The following SEMA6D variants were observed in gnomAD, a reference collection of about 807,000 sequenced individuals.
SEMA6D encodes semaphorin 6D, also known as semaphorin-6D.
A neutral mutation model predicts 106.6 loss-of-function variants in SEMA6D; 35 were observed. The ratio of observed to expected loss-of-function variants is 0.33; its 90% CI spans 0.25 to 0.44. The LOEUF is 0.44. SEMA6D is among the 20% of genes least tolerant of loss of function. SEMA6D has a pLI of 1.00. For synonymous variants in SEMA6D, 499 were observed against 487.7 expected (o/e 1.02, Z -0.31); for missense variants, 1,185 against 1,345.9 (o/e 0.88, Z 1.87).
intron 1 of SEMA6D, among the ~76,000 whole-genome samples, chr15:47,741,610 AG>A (rs1273460707): frequency 6.6e-6 from 1 of 152,160 alleles, no homozygotes; most frequent in South Asian, 2.1e-4. Context: ...CAGCTACTCA[AG>A]GCTGAGGCAG....
At chr15:47,665,614 A>G (rs2078010447) in intron 4 of SEMA6D, among the ~76,000 whole-genome samples, 1 of 152,306 alleles carries the variant, frequency 6.6e-6, no homozygotes, top group African/African-American at 2.4e-5. Context: ...GTGTGAGACC[A>G]TCCTGGCCAA....
chr15:47,616,580 G>GA (rs55761524), intron 4 of SEMA6D, among the ~76,000 whole-genome samples: 133,682 of 142,580 alleles, frequency 0.94, 62,848 homozygotes, highest in Non-Finnish European at 0.98. Context: ...CTCCAAAGAG[G>GA]AAAAAAAAAA....
intron 1 of SEMA6D, among the ~76,000 whole-genome samples, chr15:47,342,759 G>A (rs1409270415): frequency 1.3e-5 from 2 of 152,182 alleles, no homozygotes; most frequent in Admixed American, 6.5e-5. Context: ...CACCCAGGCT[G>A]GAGTGCAGTG....
intron 2 of SEMA6D, among the ~76,000 whole-genome samples, chr15:47,419,571 A>G (rs2041086918): frequency 6.6e-6 from 1 of 152,112 alleles, no homozygotes; most frequent in Admixed American, 6.6e-5. Flanking sequence ...GCCTGGACAC[A>G]GTAATGAAGA....
chr15:47,592,654 C>G (rs2076460905), intron 3 of SEMA6D, among the ~76,000 whole-genome samples: 1 of 152,126 alleles, frequency 6.6e-6, no homozygotes, highest in Non-Finnish European at 1.5e-5. Flanking sequence ...CAAATTGCAT[C>G]CTATGAAAAT....
intron 1 of SEMA6D, among the ~76,000 whole-genome samples, chr15:47,286,299 C>G (rs1244518680): frequency 6.6e-6 from 1 of 152,052 alleles, no homozygotes; most frequent in African/African-American, 2.4e-5. Context: ...TTGAACTGGT[C>G]TGGAAAGTTC....
intron 1 of SEMA6D, among the ~76,000 whole-genome samples, chr15:47,250,429 T>C (rs1344913986): frequency 6.6e-6 from 1 of 151,460 alleles, no homozygotes; most frequent in African/African-American, 2.4e-5. Context: ...AAAGAACCTT[T>C]AGCAAATCCT....
chr15:47,697,936 T>C (rs1327110705), intron 4 of SEMA6D, among the ~76,000 whole-genome samples: 1 of 152,224 alleles, frequency 6.6e-6, no homozygotes. Context: ...CTTCCCTAAC[T>C]TGCTAAGGCC....
intron 4 of SEMA6D, among the ~76,000 whole-genome samples, chr15:47,696,885 C>T (rs963994286): frequency 1.3e-5 from 2 of 152,100 alleles, no homozygotes; most frequent in African/African-American, 4.8e-5. Flanking sequence ...TTATAAATAT[C>T]TAACTGAATA....
At chr15:47,759,067 T>C (rs984382485) in intron 1 of SEMA6D, among the ~76,000 whole-genome samples, 2 of 152,188 alleles carry the variant, frequency 1.3e-5, no homozygotes, top group African/African-American at 4.8e-5. Context: ...GTGTCAGCTG[T>C]GCCACTTCAT....
chr15:47,392,517 GGTGA>G, intron 1 of SEMA6D, among the ~76,000 whole-genome samples: 1 of 45,800 alleles, frequency 2.2e-5, no homozygotes, highest in Admixed American at 2.2e-4. Flanking sequence ...GACGGAGGAA[GGTGA>G]AAGATTGCCA....
At chr15:47,212,860 G>A (rs1186716823) in intron 1 of SEMA6D, among the ~76,000 whole-genome samples, 1 of 152,182 alleles carries the variant, frequency 6.6e-6, no homozygotes, top group Admixed American at 6.5e-5. Context: ...ATGAATAGCA[G>A]TTCCTGAGGC....
chr15:47,478,508 C>G (rs2043060174), intron 3 of SEMA6D, among the ~76,000 whole-genome samples: 1 of 152,132 alleles, frequency 6.6e-6, no homozygotes, highest in South Asian at 2.1e-4. Context: ...TAATGCTAAC[C>G]AGAACGGTCA....
chr15:47,499,608 G>A (rs556202894), intron 3 of SEMA6D, among the ~76,000 whole-genome samples: 62 of 152,188 alleles, frequency 4.1e-4, no homozygotes, highest in African/African-American at 1.4e-3. Flanking sequence ...AATACTTTCA[G>A]TTGTGTGATT....
At chr15:47,594,840 G>A (rs1316755777) in intron 3 of SEMA6D, among the ~76,000 whole-genome samples, 1 of 152,190 alleles carries the variant, frequency 6.6e-6, no homozygotes, top group African/African-American at 2.4e-5. Context: ...TGAAGGAGGA[G>A]CAGATGTTTG....
At chr15:47,465,806 T>G (rs1402974162) in intron 2 of SEMA6D, among the ~76,000 whole-genome samples, 2 of 152,136 alleles carry the variant, frequency 1.3e-5, no homozygotes, top group African/African-American at 4.8e-5. Context: ...AAACCTCTTT[T>G]CATTCTAAAT....
chr15:47,342,887 A>G (rs1038964698), intron 1 of SEMA6D, among the ~76,000 whole-genome samples: 5 of 151,856 alleles, frequency 3.3e-5, no homozygotes, highest in Admixed American at 6.6e-5. Flanking sequence ...ATTTTTTTGT[A>G]TTTTTAGTAA....
chr15:47,646,622 G>A (rs1365101261), intron 4 of SEMA6D, among the ~76,000 whole-genome samples: 1 of 152,108 alleles, frequency 6.6e-6, no homozygotes, highest in African/African-American at 2.4e-5. Context: ...AAGCCCCAAG[G>A]GCTGATTATA....
In SEMA6D at chr15:47,626,748, A is replaced by G. The variant is rs531542848; in HGVS notation, c.-55+25852A>G. Among the ~76,000 whole-genome samples the G allele has an allele frequency of 1.1e-4, 16 of 152,250 alleles. No homozygotes were observed. In the East Asian group the frequency reaches 2.9e-3, roughly 28 times the overall value. On this transcript the variant is annotated intron_variant, in intron 4 of 19. Coordinates refer to the SEMA6D transcript ENST00000558014. ...TCTTTTAATTTTGAAATTGAATAACAAGTCCCCTTGTTTGATAGAGTGTTA... is the reference window on the plus strand; with the variant it reads ...TCTTTTAATTTTGAAATTGAATAACGAGTCCCCTTGTTTGATAGAGTGTTA...
Sources: gnomAD v4.1 joint callset for allele counts (sites outside exome capture counted in the v4.1 genomes callset) on GRCh38, gnomAD v4.1.1 for gene constraint, MANE v1.5 for transcripts, NCBI Gene and HGNC (gene_info 2026-07-23, HGNC 2026-07-21) for gene names.